The following IGF1 variants were observed in gnomAD, a reference collection of about 807,000 sequenced individuals.
The protein encoded by IGF1 is insulin like growth factor 1.
IGF1 carries 4 observed loss-of-function variants against 13.8 expected under a neutral mutation model. That is an observed-to-expected ratio of 0.29 (90% CI 0.14 to 0.66). The LOEUF is 0.66. Among genes scored for constraint, IGF1 ranks in the 30% least tolerant of loss-of-function variants. The probability of loss-of-function intolerance (pLI) is 0.78; values close to 1 mark genes in which losing one functional copy is unlikely to be tolerated. For synonymous variants in IGF1, 76 were observed against 72.6 expected, an observed-to-expected ratio of 1.05 and a Z score of -0.23; for missense variants, 124 against 188.5, an observed-to-expected ratio of 0.66 and a Z score of 2.00.
intron 2 of IGF1, among the ~76,000 whole-genome samples, chr12:102,440,675 G>T: frequency 6.6e-6 from 1 of 152,148 alleles, no homozygotes; most frequent in Non-Finnish European, 1.5e-5. Context: ...ATGAGCAAGG[G>T]AGAGCAGAAA....
At chr12:102,418,425 T>A (rs1875361234) in intron 3 of IGF1, among the ~76,000 whole-genome samples, 1 of 152,242 alleles carries the variant, frequency 6.6e-6, no homozygotes, top group African/African-American at 2.4e-5. Flanking sequence ...ACCATGGTCC[T>A]CTTCCAGCCT....
chr12:102,441,957 T>TCTTCTTCTTCTTCTTCTTCTTCTTCTTCC (rs71438463), intron 2 of IGF1, among the ~76,000 whole-genome samples: 1 of 134,678 alleles, frequency 7.4e-6, no homozygotes, highest in Non-Finnish European at 1.6e-5. Context: ...TTCTTCTTCT[T>TCTTCTTCTTCTTCTTCTTCTTCTTCTTCC]TTTTTTTTTT....
intron 3 of IGF1, among the ~76,000 whole-genome samples, chr12:102,415,248 CCATCCATT>C (rs925811958): frequency 6.3e-5 from 8 of 126,202 alleles, no homozygotes; most frequent in Admixed American, 8.9e-5. Flanking sequence ...GTCCATCCAA[CCATCCATT>C]CATCCATCCA....
In IGF1 at chr12:102,413,839, A is replaced by G. The variant is rs944049522; in HGVS notation, c.402+5670T>C. On this transcript the variant is annotated intron_variant, in intron 3 of 3. Coordinates refer to ENST00000337514, the MANE Select transcript of IGF1 (RefSeq NM_000618.5). The stretch of plus-strand genomic sequence containing the variant: ...CCCGGAAACAGAAGCAATGGCTCTC[A>G]CTTGGGAGAGCCAAGCTACCTATTT... Among the ~76,000 whole-genome samples the G allele has an allele frequency of 3.9e-5, 6 of 152,286 alleles. No individual in the cohort carries two copies. In the East Asian group the frequency reaches 1.2e-3, roughly 29 times the overall value.
intron 3 of IGF1, among the ~76,000 whole-genome samples, chr12:102,410,875 T>C (rs181789951): frequency 6.6e-6 from 1 of 152,332 alleles, no homozygotes; most frequent in African/African-American, 2.4e-5. Flanking sequence ...AATAACACTA[T>C]GAGAAGTTAA....
intron 3 of IGF1, chr12:102,417,610 T>C: frequency 1.6e-6 from 2 of 1,279,788 alleles, no homozygotes; most frequent in Non-Finnish European, 2.0e-6. Flanking sequence ...TTCTTTGCGC[T>C]TTCTAGGGCA....
intron 2 of IGF1, among the ~76,000 whole-genome samples, chr12:102,449,961 A>G (rs934771917): frequency 1.3e-5 from 2 of 152,088 alleles, no homozygotes; most frequent in Non-Finnish European, 2.9e-5. Flanking sequence ...CTCATCCAGT[A>G]GCATAGAGAG....
At chr12:102,417,072 C>G (rs1353725921) in intron 3 of IGF1, among the ~76,000 whole-genome samples, 3 of 152,156 alleles carry the variant, frequency 2.0e-5, no homozygotes, top group African/African-American at 2.4e-5. Context: ...CTTGCAAGGG[C>G]TGATACTTTG....
chr12:102,454,713 G>A (rs562582543), intron 2 of IGF1, among the ~76,000 whole-genome samples: 2 of 152,220 alleles, frequency 1.3e-5, no homozygotes, highest in Non-Finnish European at 2.9e-5. Context: ...TGTAAGATTC[G>A]CCATGAAGGG....
intron 3 of IGF1, among the ~76,000 whole-genome samples, chr12:102,413,892 G>A (rs17882373): frequency 0.032 from 4,878 of 152,186 alleles, 298 homozygotes; most frequent in East Asian, 0.27. Flanking sequence ...AGAACCAGGG[G>A]TTCTCTGGGT....
chr12:102,448,299 A>T (rs113506381), intron 2 of IGF1, among the ~76,000 whole-genome samples: 1 of 149,752 alleles, frequency 6.7e-6, no homozygotes, highest in Non-Finnish European at 1.5e-5. Context: ...CAAATGTCCA[A>T]CAATGATAGA....
chr12:102,401,290 G>T lies in IGF1; in HGVS notation c.*1217C>A. On this transcript the variant is annotated 3_prime_UTR_variant, in exon 4 of 4. Coordinates refer to ENST00000337514, the MANE Select transcript of IGF1 (RefSeq NM_000618.5). The stretch of plus-strand genomic sequence containing the variant: ...CAAGGTCACACAGTGGTGAGTCCAT[G>T]ACACAGCTGGCAGATGTTCATTTCT... The T allele has an allele frequency of 6.5e-6, 1 of 153,350 alleles. No homozygotes were observed. Among genetic ancestry groups the T allele is most frequent in the South Asian group, 2.0e-4 (1 of 5,054 alleles). The allele number at this position is 153,350 out of a possible 1,614,324, so 9.5% of individuals were successfully genotyped here.
At chr12:102,428,562 G>A (rs887220349) in intron 2 of IGF1, among the ~76,000 whole-genome samples, 7 of 152,004 alleles carry the variant, frequency 4.6e-5, no homozygotes, top group African/African-American at 7.2e-5. Context: ...TTTGAAAACC[G>A]GAGTCCTAAG....
At chr12:102,434,484 AT>A (rs1325024865) in intron 2 of IGF1, among the ~76,000 whole-genome samples, 7 of 148,568 alleles carry the variant, frequency 4.7e-5, no homozygotes, top group Non-Finnish European at 1.0e-4. Flanking sequence ...TGAACTCATC[AT>A]TTTTTATGGC....
chr12:102,411,448 AC>A (rs1440942011), intron 3 of IGF1, among the ~76,000 whole-genome samples: 2 of 152,046 alleles, frequency 1.3e-5, no homozygotes, highest in African/African-American at 4.8e-5. Flanking sequence ...TGATTACTTG[AC>A]CTCTTGGTGC....
intron 1 of IGF1, among the ~76,000 whole-genome samples, chr12:102,479,775 T>C (rs1387687057): frequency 6.6e-6 from 1 of 152,212 alleles, no homozygotes; most frequent in Non-Finnish European, 1.5e-5. Flanking sequence ...TCTCTGGGCA[T>C]AAGTGCAGAG....
intron 2 of IGF1, among the ~76,000 whole-genome samples, chr12:102,441,180 C>T (rs963944158): frequency 6.6e-6 from 1 of 152,190 alleles, no homozygotes; most frequent in Non-Finnish European, 1.5e-5. Context: ...CAAAGTCAAT[C>T]TTTGCCATTG....
chr12:102,451,669 C>G (rs1417207652), intron 2 of IGF1, among the ~76,000 whole-genome samples: 1 of 152,204 alleles, frequency 6.6e-6, no homozygotes, highest in Non-Finnish European at 1.5e-5. Flanking sequence ...GGATCTCTCC[C>G]TTCCTTGCTA....
chr12:102,467,478 T>C lies in IGF1; in HGVS notation c.220+8165A>G, dbSNP rs534156366. On this transcript the variant is annotated intron_variant, in intron 2 of 3. Transcript: ENST00000337514. The stretch of plus-strand genomic sequence containing the variant: ...CAAAGCATTTCTACCAAAGTTGACA[T>C]TGGAGAGAGTGACCATAGAGTCAGA... 5.9e-5 allele frequency among the ~76,000 whole-genome samples: 9 copies of C among 152,268 alleles called. No individual in the cohort carries two copies. The East Asian group carries it at 1.2e-3, about 20-fold the overall frequency.
Sources: allele counts gnomAD v4.1 joint callset (sites outside exome capture counted in the v4.1 genomes callset), GRCh38; gene constraint gnomAD v4.1.1; transcripts MANE v1.5; gene names NCBI Gene and HGNC (gene_info 2026-07-23, HGNC 2026-07-21).